ALPK2: variants seen among roughly 807,000 people sequenced by gnomAD.
ALPK2 encodes alpha-protein kinase 2.
Under a neutral mutation model 163.1 loss-of-function variants are expected in ALPK2, and 127 were observed. The ratio of observed to expected loss-of-function variants is 0.78; its 90% CI spans 0.67 to 0.90. The LOEUF (loss-of-function observed/expected upper bound fraction) is 0.90. ALPK2 is among the 40% of genes least tolerant of loss of function. The pLI, the probability that ALPK2 is intolerant of heterozygous loss-of-function variation, is 0.00. For synonymous variants in ALPK2, 953 were observed against 959.1 expected (o/e 0.99, Z 0.12); for missense variants, 2,360 against 2,589.6 (o/e 0.91, Z 1.92).
At chr18:58,601,130 C>T (rs2052067279) in intron 3 of ALPK2, among the ~76,000 whole-genome samples, 1 of 152,062 alleles carries the variant, frequency 6.6e-6, no homozygotes, top group Non-Finnish European at 1.5e-5. Context: ...GTGGCATGTG[C>T]CTGTAACCCC....
Position 58,535,299 on chromosome 18 carries a change from G to C in ALPK2, c.4888C>G (p.Pro1630Ala), listed in dbSNP as rs2051638198. 2 of 1,614,112 alleles carry C rather than the reference G, an allele frequency of 1.2e-6. No individual in the cohort carries two copies. Among genetic ancestry groups the C allele is most frequent in the Non-Finnish European group, 1.7e-6 (2 of 1,180,030 alleles). Reference sequence around the variant, plus strand: ...CCAATTTGAAGCACCTCTATTTTAGGTTCCTCCATTTTGTGGCTTATCAAA... The same window carrying C: ...CCAATTTGAAGCACCTCTATTTTAGCTTCCTCCATTTTGTGGCTTATCAAA... Reference protein sequence around the residue: ...DFLISHKMEEPKIEVLQIGET... With the variant: ...DFLISHKMEEAKIEVLQIGET... Residue 1630 changes from proline to alanine, a missense_variant, in exon 5 of 13, where the codon CCT (proline) becomes GCT (alanine). By Grantham distance (27) the Pro-to-Ala change is conservative. Transcript: ENST00000361673.
chr18:58,499,658 C>G (rs562526878), intron 11 of ALPK2, among the ~76,000 whole-genome samples: 1 of 152,374 alleles, frequency 6.6e-6, no homozygotes, highest in Admixed American at 6.5e-5. Flanking sequence ...TCCCATGGCC[C>G]ATAGTGCCAC....
intron 4 of ALPK2, among the ~76,000 whole-genome samples, chr18:58,560,429 T>C (rs76590782): frequency 0.013 from 2,028 of 152,344 alleles, 26 homozygotes; most frequent in South Asian, 0.031. Context: ...CTGTCCAGCT[T>C]CTGCAGTTGG....
chr18:58,550,297 CCATCCCCATCTCCATCA>C, intron 4 of ALPK2, among the ~76,000 whole-genome samples: 1 of 151,892 alleles, frequency 6.6e-6, no homozygotes, highest in South Asian at 2.1e-4. Flanking sequence ...ACGTACAACC[CCATCCCCATCTCCATCA>C]CGTAAAACCC....
chr18:58,499,674 C>A (rs1399391137), intron 11 of ALPK2, among the ~76,000 whole-genome samples: 1 of 152,248 alleles, frequency 6.6e-6, no homozygotes, highest in Non-Finnish European at 1.5e-5. Context: ...GCCACCCCAC[C>A]AGTGTGTCTG....
chr18:58,599,930 T>TG (rs919414082), intron 3 of ALPK2, among the ~76,000 whole-genome samples: 15 of 151,230 alleles, frequency 9.9e-5, no homozygotes. Flanking sequence ...CTGTCAATAG[T>TG]GGAAAAGATT....
intron 3 of ALPK2, among the ~76,000 whole-genome samples, chr18:58,601,227 G>A (rs2052067891): frequency 6.6e-6 from 1 of 151,992 alleles, no homozygotes; most frequent in African/African-American, 2.4e-5. Context: ...CTGCACTCCA[G>A]CCTGGGCAAC....
intron 3 of ALPK2, among the ~76,000 whole-genome samples, chr18:58,598,091 T>C (rs774251561): frequency 2.0e-5 from 3 of 152,242 alleles, no homozygotes; most frequent in Non-Finnish European, 4.4e-5. Flanking sequence ...TAGCTCAAGC[T>C]GACTATGACA....
At chr18:58,568,935 TG>T (rs2051871025) in intron 4 of ALPK2, among the ~76,000 whole-genome samples, 1 of 152,122 alleles carries the variant, frequency 6.6e-6, no homozygotes, top group Non-Finnish European at 1.5e-5. Context: ...AGTTACAGGC[TG>T]GGCACAGTGG....
intron 3 of ALPK2, among the ~76,000 whole-genome samples, chr18:58,605,442 T>G (rs1361391726): frequency 6.6e-6 from 1 of 152,238 alleles, no homozygotes; most frequent in African/African-American, 2.4e-5. Context: ...CCATCCATCC[T>G]TTCAACAAAT....
Position 58,535,600 on chromosome 18 carries a change from C to T in ALPK2, c.4587G>A (p.Lys1529=), listed in dbSNP as rs762077669. 5.6e-6 allele frequency: 9 copies of T among 1,614,200 alleles called. No individual in the cohort carries two copies. Among genetic ancestry groups the T allele is most frequent in the Non-Finnish European group, 5.9e-6 (7 of 1,180,040 alleles). Residue 1529 remains lysine, a synonymous_variant, in exon 5 of 13, where the codon AAG becomes AAA. Coordinates refer to ENST00000361673, the MANE Select transcript of ALPK2 (RefSeq NM_052947.4). ...GSLGEAEQSK[K]DKAELISPTS... ...TGGGGGAAATCAATTCTGCTTTGTC[C>T]TTTTTGCTTTGCTCAGCCTCCCCTA... is the stretch of plus-strand genomic sequence containing the variant.
At chr18:58,577,318 G>A (rs2051927153) in intron 4 of ALPK2, among the ~76,000 whole-genome samples, 1 of 152,156 alleles carries the variant, frequency 6.6e-6, no homozygotes, top group Non-Finnish European at 1.5e-5. Context: ...CAGTAAATAG[G>A]TAAATAGCCC....
intron 12 of ALPK2, among the ~76,000 whole-genome samples, chr18:58,497,363 C>T (rs1281954435): frequency 6.6e-6 from 1 of 152,192 alleles, no homozygotes; most frequent in Non-Finnish European, 1.5e-5. Context: ...ATTGCATCTT[C>T]ACCAAGAACA....
At chr18:58,578,740 A>ACACGCGCGCACGCGCGCGCACG in intron 4 of ALPK2, 74 bp downstream of exon 4, 4 of 1,118,832 alleles carry the variant, frequency 3.6e-6, no homozygotes, top group Non-Finnish European at 5.0e-6. Context: ...AGAGACACAC[A>ACACGCGCGCACGCGCGCGCACG]CACACACACA....
At chr18:58,501,326 G>C (rs1261599199) in intron 11 of ALPK2, among the ~76,000 whole-genome samples, 1 of 152,208 alleles carries the variant, frequency 6.6e-6, no homozygotes, top group Non-Finnish European at 1.5e-5. Flanking sequence ...GAAAAGATGG[G>C]GGACAGCAGC....
At chr18:58,573,012 T>G (rs1471168072) in intron 4 of ALPK2, among the ~76,000 whole-genome samples, 1 of 152,144 alleles carries the variant, frequency 6.6e-6, no homozygotes, top group Non-Finnish European at 1.5e-5. Context: ...TACAACTGCA[T>G]GTGAATGTAC....
rs79471040 is a variant in ALPK2 at position 58,583,195 on chromosome 18, G to A, written c.228-2647C>T. 7.4e-4 allele frequency among the ~76,000 whole-genome samples: 112 copies of A among 152,260 alleles called. 1 individual carries two copies. In the East Asian group the frequency reaches 0.021, roughly 28 times the overall value. On this transcript the variant is annotated intron_variant, in intron 3 of 12. Transcript: ENST00000361673. Reference sequence around the variant, plus strand: ...TTCTTTAGGACCTGCTCTTTGTGATGTGATGCTATACCAGAATCAGGTTGG... The same window carrying A: ...TTCTTTAGGACCTGCTCTTTGTGATATGATGCTATACCAGAATCAGGTTGG...
intron 12 of ALPK2, among the ~76,000 whole-genome samples, chr18:58,485,497 T>G (rs936097271): frequency 6.6e-6 from 1 of 152,256 alleles, no homozygotes. Context: ...GGGACTGCTC[T>G]GCCCCTGGGA....
intron 4 of ALPK2, among the ~76,000 whole-genome samples, chr18:58,541,864 C>T (rs1415588766): frequency 2.0e-5 from 3 of 152,162 alleles, no homozygotes; most frequent in Non-Finnish European, 4.4e-5. Flanking sequence ...CATCCAGAGG[C>T]CAGCTCACAG....
Sources: allele counts gnomAD v4.1 joint callset (sites outside exome capture counted in the v4.1 genomes callset), GRCh38; gene constraint gnomAD v4.1.1; transcripts MANE v1.5; gene names NCBI Gene and HGNC (gene_info 2026-07-23, HGNC 2026-07-21).